Variants in RBMS3 observed in about 807,000 individuals in gnomAD.
RBMS3 encodes the protein RNA binding motif single stranded interacting protein 3, also known as RNA-binding motif, single-stranded-interacting protein 3.
A neutral mutation model predicts 66.8 loss-of-function variants in RBMS3; 27 were observed. That is an observed-to-expected ratio of 0.40 (90% CI 0.30 to 0.56). The LOEUF (loss-of-function observed/expected upper bound fraction) is 0.56, where lower values mean the gene tolerates loss of function less well. Ranked by LOEUF, RBMS3 falls within the 20% of genes least tolerant of loss-of-function variation. The pLI is 0.40. For synonymous variants in RBMS3, 188 were observed against 183.0 expected, an observed-to-expected ratio of 1.03 and a Z score of -0.22; for missense variants, 513 against 549.5, an observed-to-expected ratio of 0.93 and a Z score of 0.66.
At chr3:29,992,043 GA>G (rs1224307652) in intron 14 of RBMS3, among the ~76,000 whole-genome samples, 1 of 152,098 alleles carries the variant, frequency 6.6e-6, no homozygotes, top group Admixed American at 6.5e-5. Context: ...GAAACCAAAA[GA>G]ATTTAGAAAA....
intron 12 of RBMS3, among the ~76,000 whole-genome samples, chr3:29,984,704 A>G (rs1452923257): frequency 1.3e-5 from 2 of 151,988 alleles, no homozygotes; most frequent in Non-Finnish European, 2.9e-5. Context: ...CTGGAGGTCC[A>G]CTCCAGACCC....
At chr3:29,322,312 T>C (rs1353757507) in intron 1 of RBMS3, among the ~76,000 whole-genome samples, 1 of 152,242 alleles carries the variant, frequency 6.6e-6, no homozygotes, top group African/African-American at 2.4e-5. Context: ...GTCTGTGTTT[T>C]TTTTGTGTTT....
At chr3:29,544,386 T>C (rs1438151377) in intron 3 of RBMS3, among the ~76,000 whole-genome samples, 1 of 132,770 alleles carries the variant, frequency 7.5e-6, no homozygotes, top group East Asian at 2.2e-4. Flanking sequence ...GTCTTACAAA[T>C]TTGTTTTTTT....
At chr3:29,409,931 A>G (rs2888100) in intron 1 of RBMS3, among the ~76,000 whole-genome samples, 121,713 of 152,024 alleles carry the variant, frequency 0.8, 49,030 homozygotes, top group East Asian at 0.97. Flanking sequence ...ATTGGATTGC[A>G]GAAAAGTTGA....
intron 4 of RBMS3, among the ~76,000 whole-genome samples, chr3:29,729,142 C>T (rs527280338): frequency 6.9e-6 from 1 of 145,900 alleles, no homozygotes; most frequent in African/African-American, 2.6e-5. Flanking sequence ...TACCGCCCCA[C>T]CCCCCAACCC....
chr3:29,307,520 A>G (rs997365915), intron 1 of RBMS3, among the ~76,000 whole-genome samples: 1 of 151,716 alleles, frequency 6.6e-6, no homozygotes, highest in Admixed American at 6.6e-5. Context: ...GAGCAGGGAA[A>G]CCCAGGAAAA....
At chr3:29,549,555 A>G (rs920459827) in intron 3 of RBMS3, among the ~76,000 whole-genome samples, 14 of 151,838 alleles carry the variant, frequency 9.2e-5, no homozygotes, top group Admixed American at 2.6e-4. Context: ...GCCCACCACC[A>G]TGTCCAGCTA....
intron 1 of RBMS3, among the ~76,000 whole-genome samples, chr3:29,402,098 G>A (rs188748932): frequency 3.3e-5 from 5 of 152,114 alleles, no homozygotes; most frequent in African/African-American, 1.2e-4. Context: ...ATGCCACAGT[G>A]TTGACTTTTT....
chr3:29,867,000 C>T (rs2059379322), intron 6 of RBMS3, among the ~76,000 whole-genome samples: 1 of 152,044 alleles, frequency 6.6e-6, no homozygotes, highest in Admixed American at 6.6e-5. Flanking sequence ...AATGGTGACC[C>T]CTGTCTCTTT....
intron 1 of RBMS3, among the ~76,000 whole-genome samples, chr3:29,359,070 C>A (rs186268905): frequency 6.7e-4 from 102 of 152,302 alleles, no homozygotes; most frequent in African/African-American, 2.4e-3. Flanking sequence ...CTGGCCAGAA[C>A]TTCCAACACT....
At chr3:29,894,555 C>T (rs2060081566) in intron 8 of RBMS3, among the ~76,000 whole-genome samples, 1 of 151,592 alleles carries the variant, frequency 6.6e-6, no homozygotes, top group South Asian at 2.1e-4. Flanking sequence ...AATCCTATTT[C>T]ATTAAGGCCC....
chr3:29,762,425 ATAGCTTAG>A (rs1430517747), intron 5 of RBMS3, among the ~76,000 whole-genome samples: 1 of 152,200 alleles, frequency 6.6e-6, no homozygotes, highest in African/African-American at 2.4e-5. Flanking sequence ...CATCAGCAGT[ATAGCTTAG>A]TAGCTATAGC....
chr3:29,437,554 G>C (rs557456909), intron 2 of RBMS3, among the ~76,000 whole-genome samples: 217 of 152,298 alleles, frequency 1.4e-3, no homozygotes, highest in Non-Finnish European at 2.6e-3. Context: ...TATTGTAAAA[G>C]TGTTTGTGGG....
chr3:30,004,208 CTTTTT>C lies in RBMS3; in HGVS notation c.*357_*361del, dbSNP rs550404989. 1 of 146,844 alleles carries C rather than the reference CTTTTT, an allele frequency of 6.8e-6. No homozygotes were observed. Among genetic ancestry groups the C allele is most frequent in the Non-Finnish European group, 1.4e-5 (1 of 69,394 alleles). 9.1% of individuals were successfully genotyped at this position (146,844 alleles called of 1,614,324 possible). A position where few individuals can be genotyped will look rare whatever the true frequency, so the allele number is the denominator to read the frequency against. ...CAGAATTTTTCTGAAGGTGTAGATA[CTTTTT>C]TTTTTTTTTTAACAGAAAACCTGAT... On this transcript the variant is annotated 3_prime_UTR_variant, in exon 15 of 15. Coordinates refer to ENST00000383767, the MANE Select transcript of RBMS3 (RefSeq NM_001003793.3).
intron 6 of RBMS3, among the ~76,000 whole-genome samples, chr3:29,777,303 C>A (rs146427063): frequency 6.6e-6 from 1 of 151,892 alleles, no homozygotes; most frequent in Non-Finnish European, 1.5e-5. Flanking sequence ...CACTGGATGG[C>A]AGAATTATGC....
intron 1 of RBMS3, among the ~76,000 whole-genome samples, chr3:29,409,629 G>A (rs1007712296): frequency 2.0e-5 from 3 of 152,226 alleles, no homozygotes; most frequent in African/African-American, 7.2e-5. Context: ...GCTCCAATGT[G>A]TGGGAGTGCT....
chr3:29,589,033 C>T (rs1202141398), intron 4 of RBMS3, among the ~76,000 whole-genome samples: 1 of 152,088 alleles, frequency 6.6e-6, no homozygotes, highest in East Asian at 1.9e-4. Context: ...AAACAGCATG[C>T]ATAATCTCCA....
At chr3:29,772,048 A>G (rs1324281978) in intron 6 of RBMS3, among the ~76,000 whole-genome samples, 1 of 151,998 alleles carries the variant, frequency 6.6e-6, no homozygotes, top group African/African-American at 2.4e-5. Context: ...AGCATCCTCA[A>G]AAGTGGAGGA....
At chr3:29,901,350 G>A (rs10510631) in intron 10 of RBMS3, among the ~76,000 whole-genome samples, 29,886 of 151,786 alleles carry the variant, frequency 0.2, 3,804 homozygotes, top group Non-Finnish European at 0.28. Context: ...CATCCGTAAA[G>A]CACTAATACT....
Sources: allele counts gnomAD v4.1 joint callset (sites outside exome capture counted in the v4.1 genomes callset), GRCh38; gene constraint gnomAD v4.1.1; transcripts MANE v1.5; gene names NCBI Gene and HGNC (gene_info 2026-07-23, HGNC 2026-07-21).